Variants in GARNL3 observed in about 807,000 individuals in gnomAD.
The protein encoded by GARNL3 is GTPase activating Rap/RanGAP domain like 3.
In GARNL3, 63 loss-of-function variants were observed where a neutral mutation model predicts 125.0. The ratio of observed to expected loss-of-function variants is 0.50; its 90% CI spans 0.41 to 0.62. The LOEUF (loss-of-function observed/expected upper bound fraction) is 0.62, where lower values mean the gene tolerates loss of function less well. GARNL3 is among the 20% of genes least tolerant of loss of function. The probability of loss-of-function intolerance (pLI) is 0.00; values close to 1 mark genes in which losing one functional copy is unlikely to be tolerated. For missense variants in GARNL3, 994 were observed against 1,244.0 expected (o/e 0.80, Z 3.02); for synonymous variants, 439 against 457.5 (o/e 0.96, Z 0.52).
chr9:127,393,068 A>G lies in GARNL3; in HGVS notation c.2871-15A>G. On this transcript the variant is annotated splice_polypyrimidine_tract_variant and intron_variant, in intron 27 of 27. Coordinates refer to ENST00000373387, the MANE Select transcript of GARNL3 (RefSeq NM_032293.5). ...TACTCCCAAAGATCCTCTTACAGTG[A>G]CTTTTCTCTTCTAGGATCCCATCAG... The G allele has an allele frequency of 1.3e-6, 2 of 1,580,612 alleles. No individual in the cohort carries two copies. The highest frequency in any genetic ancestry group is 1.1e-5 in the South Asian group (1 of 90,000).
intron 1 of GARNL3, among the ~76,000 whole-genome samples, chr9:127,276,610 C>A (rs976613447): frequency 4.6e-5 from 7 of 152,202 alleles, no homozygotes; most frequent in Non-Finnish European, 8.8e-5. Context: ...CTGGGATGAC[C>A]CATAGGCAAC....
intron 6 of GARNL3, among the ~76,000 whole-genome samples, chr9:127,324,541 C>T (rs1214337563): frequency 2.6e-5 from 4 of 152,192 alleles, no homozygotes; most frequent in African/African-American, 9.7e-5. Context: ...CCTGTCAGAG[C>T]CTTGGCTTTG....
intron 19 of GARNL3, 56 bp downstream of exon 19, chr9:127,354,466 G>A (rs1466696639): frequency 1.9e-6 from 2 of 1,035,214 alleles, no homozygotes; most frequent in East Asian, 2.5e-5. Flanking sequence ...TCCTCAGGCT[G>A]CCCAGGTTTT....
intron 14 of GARNL3, among the ~76,000 whole-genome samples, chr9:127,342,644 T>G (rs1588893322): frequency 2.0e-5 from 3 of 152,118 alleles, no homozygotes; most frequent in East Asian, 1.9e-4. Flanking sequence ...GTGCTTTTTT[T>G]GGGGTGGCTG....
chr9:127,226,756 T>A (rs2062920852), intron 1 of GARNL3, among the ~76,000 whole-genome samples: 1 of 152,218 alleles, frequency 6.6e-6, no homozygotes, highest in Non-Finnish European at 1.5e-5. Context: ...ACCCAGGTAG[T>A]ATGTCTCCCC....
chr9:127,281,340 C>T (rs1160400835), intron 1 of GARNL3, among the ~76,000 whole-genome samples: 2 of 152,112 alleles, frequency 1.3e-5, no homozygotes, highest in African/African-American at 2.4e-5. Context: ...TCAATCATAG[C>T]GATGGGTGTT....
intron 22 of GARNL3, among the ~76,000 whole-genome samples, chr9:127,378,108 G>T (rs550579464): frequency 5.3e-5 from 8 of 151,922 alleles, no homozygotes; most frequent in Non-Finnish European, 1.0e-4. Flanking sequence ...AGGCATGGTG[G>T]CACATGCTTG....
intron 14 of GARNL3, among the ~76,000 whole-genome samples, 179 bp downstream of exon 14, chr9:127,342,513 G>A (rs1460795066): frequency 6.6e-6 from 1 of 152,186 alleles, no homozygotes; most frequent in Non-Finnish European, 1.5e-5. Context: ...CAAGAAGGAA[G>A]GACATTGGGT....
At chr9:127,301,991 AGT>A (rs2064808230) in intron 2 of GARNL3, among the ~76,000 whole-genome samples, 1 of 112,202 alleles carries the variant, frequency 8.9e-6, no homozygotes, top group Non-Finnish European at 1.6e-5. Context: ...CCCAGGCTGG[AGT>A]GTGCAGTGGC....
chr9:127,342,892 C>CTTTTT (rs59554997), intron 14 of GARNL3, among the ~76,000 whole-genome samples: 9 of 81,590 alleles, frequency 1.1e-4, no homozygotes, highest in Non-Finnish European at 1.8e-4. Context: ...GTGCTCTTTT[C>CTTTTT]TTTTTTTTTT....
chr9:127,387,078 C>A, intron 24 of GARNL3, 115 bp from the exon 25 acceptor site: 1 of 1,139,508 alleles, frequency 8.8e-7, no homozygotes, highest in Non-Finnish European at 1.3e-6. Context: ...CCGCACTGCA[C>A]TGTATGCTCC....
At chr9:127,302,935 A>G (rs2064844548) in intron 2 of GARNL3, among the ~76,000 whole-genome samples, 1 of 152,174 alleles carries the variant, frequency 6.6e-6, no homozygotes, top group Non-Finnish European at 1.5e-5. Context: ...GTGGATCACG[A>G]GGTCAGGAGA....
chr9:127,293,993 A>C (rs2064505137), intron 2 of GARNL3, among the ~76,000 whole-genome samples: 1 of 152,128 alleles, frequency 6.6e-6, no homozygotes, highest in Non-Finnish European at 1.5e-5. Context: ...GTGCTGTGAC[A>C]ACTTCCTTGT....
intron 15 of GARNL3, among the ~76,000 whole-genome samples, chr9:127,344,763 T>C (rs928670011): frequency 5.3e-5 from 8 of 152,180 alleles, no homozygotes; most frequent in Admixed American, 5.2e-4. Context: ...CCCTATGACT[T>C]GGAAACAATC....
intron 2 of GARNL3, among the ~76,000 whole-genome samples, chr9:127,253,599 GA>G (rs1472731020): frequency 1.3e-5 from 2 of 152,144 alleles, no homozygotes; most frequent in African/African-American, 4.8e-5. Context: ...AGTTTGGAGG[GA>G]GCATTCTAGG....
intron 5 of GARNL3, among the ~76,000 whole-genome samples, chr9:127,319,012 A>G (rs903979032): frequency 1.3e-5 from 2 of 152,178 alleles, no homozygotes; most frequent in African/African-American, 4.8e-5. Context: ...TATCGTATGA[A>G]GGGCAAAGCT....
intron 22 of GARNL3, among the ~76,000 whole-genome samples, chr9:127,381,983 A>G (rs910508528): frequency 6.6e-6 from 1 of 151,600 alleles, no homozygotes; most frequent in Non-Finnish European, 1.5e-5. Flanking sequence ...TCAGATGTTT[A>G]GTAACATCCA....
rs1176190521 is a variant in GARNL3 at position 127,375,467 on chromosome 9, GAAA to G, written c.2162-7957_2162-7955del. ...GGTGACAGAGCAAGACTCTGTCTCA[GAAA>G]AAAAAAAAAAAAAGAAAAGAAAGAA... On this transcript the variant is annotated intron_variant, in intron 22 of 27. Coordinates refer to ENST00000373387, the MANE Select transcript of GARNL3 (RefSeq NM_032293.5). Among the ~76,000 whole-genome samples, 52 of 78,074 alleles carry G rather than the reference GAAA, an allele frequency of 6.7e-4. No individual in the cohort carries two copies. In the East Asian group the frequency reaches 0.018, roughly 27 times the overall value. The allele number at this position is 78,074 out of a possible 152,430, so 51.2% of individuals were successfully genotyped here. A position where few individuals can be genotyped will look rare whatever the true frequency, so the allele number is the denominator to read the frequency against.
intron 4 of GARNL3, among the ~76,000 whole-genome samples, chr9:127,317,251 A>T (rs1272009575): frequency 6.6e-6 from 1 of 152,210 alleles, no homozygotes; most frequent in Non-Finnish European, 1.5e-5. Flanking sequence ...GAGAAAGGAG[A>T]CTTTAAATAA....
Sources: allele counts gnomAD v4.1 joint callset (sites outside exome capture counted in the v4.1 genomes callset), GRCh38; gene constraint gnomAD v4.1.1; transcripts MANE v1.5; gene names NCBI Gene and HGNC (gene_info 2026-07-23, HGNC 2026-07-21).